Variants in SATB2 observed in about 807,000 individuals in gnomAD.
The protein encoded by SATB2 is SATB homeobox 2.
In SATB2, 1 loss-of-function variant was observed where a neutral mutation model predicts 73.4. The observed-to-expected ratio is 0.01, with a 90% confidence interval of 0.00 to 0.06. The LOEUF is 0.06. Among genes scored for constraint, SATB2 ranks in the 10% least tolerant of loss-of-function variants. The pLI is 1.00. For missense variants in SATB2, 459 were observed against 945.8 expected (o/e 0.49, Z 6.75); for synonymous variants, 397 against 367.0 (o/e 1.08, Z -0.93).
intron 3 of SATB2, among the ~76,000 whole-genome samples, chr2:199,389,110 T>C (rs528502716): frequency 6.6e-6 from 1 of 152,234 alleles, no homozygotes; most frequent in Non-Finnish European, 1.5e-5. Flanking sequence ...TATCATCAAA[T>C]TGTAGCAGCA....
chr2:199,454,663 T>C (rs1000149582), intron 2 of SATB2, among the ~76,000 whole-genome samples: 1 of 152,084 alleles, frequency 6.6e-6, no homozygotes, highest in Non-Finnish European at 1.5e-5. Context: ...ACGATTAATA[T>C]GAAAGACTGA....
Position 199,286,695 on chromosome 2 carries a change from C to G in SATB2, c.1741-14023G>C, listed in dbSNP as rs144532177. Among the ~76,000 whole-genome samples, 595 of 152,234 alleles carry G rather than the reference C, an allele frequency of 3.9e-3. 10 individuals are homozygous for G. The highest frequency in any genetic ancestry group is 0.013 in the African/African-American group (559 of 41,528). On this transcript the variant is annotated intron_variant, in intron 10 of 10. Coordinates refer to ENST00000417098, the MANE Select transcript of SATB2 (RefSeq NM_001172509.2). ...CACAAAGTATTCTCAGAACACAAAA[C>G]CTAGCCTAAAAATTCACAGGAAAGG...
chr2:199,437,792 CA>C (rs1169579150), intron 2 of SATB2, among the ~76,000 whole-genome samples: 1 of 151,908 alleles, frequency 6.6e-6, no homozygotes, highest in Non-Finnish European at 1.5e-5. Flanking sequence ...TACCATTTTA[CA>C]GAGGAAAAAA....
chr2:199,299,246 T>C (rs1429147672), intron 10 of SATB2, among the ~76,000 whole-genome samples: 1 of 152,222 alleles, frequency 6.6e-6, no homozygotes, highest in Non-Finnish European at 1.5e-5. Context: ...AAAACTATTT[T>C]TTAAAATGCC....
At chr2:199,350,921 G>A (rs919234093) in intron 6 of SATB2, among the ~76,000 whole-genome samples, 4 of 151,120 alleles carry the variant, frequency 2.6e-5, no homozygotes, top group Admixed American at 6.6e-5. Flanking sequence ...TATTCGGGAC[G>A]CTGAATCAGG....
intron 9 of SATB2, among the ~76,000 whole-genome samples, chr2:199,323,476 TACACACACACACAC>T (rs1553546876): frequency 1.4e-5 from 2 of 142,750 alleles, no homozygotes; most frequent in African/African-American, 5.3e-5. Flanking sequence ...GTTTTGTTCA[TACACACACACACAC>T]ACACACACAC....
At chr2:199,328,359 G>T (rs574372754) in intron 8 of SATB2, among the ~76,000 whole-genome samples, 27 of 152,136 alleles carry the variant, frequency 1.8e-4, no homozygotes, top group Middle Eastern at 3.4e-3. Context: ...TGGCCAACAT[G>T]GTGAAACCCC....
intron 2 of SATB2, among the ~76,000 whole-genome samples, chr2:199,434,442 CT>C (rs908319076): frequency 2.0e-5 from 3 of 151,458 alleles, no homozygotes; most frequent in Non-Finnish European, 2.9e-5. Context: ...TTTTTTTAAA[CT>C]TTTTTTTTAT....
intron 9 of SATB2, among the ~76,000 whole-genome samples, chr2:199,321,225 A>T (rs925841622): frequency 6.6e-6 from 1 of 151,938 alleles, no homozygotes; most frequent in African/African-American, 2.4e-5. Flanking sequence ...GAGATATATA[A>T]GTCTATAAGG....
intron 2 of SATB2, among the ~76,000 whole-genome samples, chr2:199,437,026 A>C (rs1691672998): frequency 6.6e-6 from 1 of 152,226 alleles, no homozygotes; most frequent in Non-Finnish European, 1.5e-5. Context: ...TTCCAATAAA[A>C]GAATAAAAAT....
chr2:199,388,980 G>A (rs1255048235), intron 3 of SATB2, among the ~76,000 whole-genome samples: 3 of 152,042 alleles, frequency 2.0e-5, no homozygotes, highest in African/African-American at 4.8e-5. Context: ...ATTAAAAACT[G>A]TCTATCCTAT....
chr2:199,333,295 T>C (rs990672529), intron 7 of SATB2, among the ~76,000 whole-genome samples: 4 of 152,100 alleles, frequency 2.6e-5, no homozygotes, highest in Non-Finnish European at 1.5e-5. Context: ...GAGAAGGTAT[T>C]ATAGCAGCAC....
At chr2:199,286,908 A>ACTTTT (rs1241943045) in intron 10 of SATB2, among the ~76,000 whole-genome samples, 4 of 152,230 alleles carry the variant, frequency 2.6e-5, no homozygotes, top group Admixed American at 2.6e-4. Context: ...CTTTTGCACC[A>ACTTTT]GCATACATGA....
chr2:199,292,915 T>C (rs971363716), intron 10 of SATB2, among the ~76,000 whole-genome samples: 2 of 152,192 alleles, frequency 1.3e-5, no homozygotes, highest in African/African-American at 4.8e-5. Context: ...CTGCAAGTAT[T>C]TATGTTTCCG....
intron 9 of SATB2, among the ~76,000 whole-genome samples, chr2:199,322,921 G>T (rs1334318216): frequency 6.6e-6 from 1 of 152,040 alleles, no homozygotes; most frequent in Non-Finnish European, 1.5e-5. Context: ...GTCATATAAG[G>T]ACACAGAGGA....
intron 7 of SATB2, among the ~76,000 whole-genome samples, chr2:199,331,216 GT>G (rs55641518): frequency 9.6e-5 from 14 of 146,546 alleles, no homozygotes; most frequent in Admixed American, 2.0e-4. Context: ...TTTGTTTCTT[GT>G]TTTTTTTTTT....
chr2:199,304,294 TACA>T (rs1687369870), intron 10 of SATB2, among the ~76,000 whole-genome samples: 1 of 152,200 alleles, frequency 6.6e-6, no homozygotes, highest in African/African-American at 2.4e-5. Context: ...GAAAAATCAC[TACA>T]ACCACAGGAA....
intron 10 of SATB2, among the ~76,000 whole-genome samples, chr2:199,301,636 C>A (rs908534006): frequency 2.0e-5 from 3 of 152,102 alleles, no homozygotes; most frequent in Non-Finnish European, 2.9e-5. Context: ...CTTAGATGAA[C>A]TTAAAGTAGT....
At chr2:199,327,503 G>A (rs763780150) in intron 8 of SATB2, among the ~76,000 whole-genome samples, 1 of 152,112 alleles carries the variant, frequency 6.6e-6, no homozygotes, top group Non-Finnish European at 1.5e-5. Context: ...CACTCAGACA[G>A]AACCTGCAAC....
Sources: allele counts gnomAD v4.1 joint callset (sites outside exome capture counted in the v4.1 genomes callset), GRCh38; gene constraint gnomAD v4.1.1; transcripts MANE v1.5; gene names NCBI Gene and HGNC (gene_info 2026-07-23, HGNC 2026-07-21).